The following BRAF variants were observed in gnomAD, a reference collection of about 807,000 sequenced individuals.
BRAF encodes serine/threonine-protein kinase B-raf.
In BRAF, 16 loss-of-function variants were observed where a neutral mutation model predicts 104.6. The ratio of observed to expected loss-of-function variants is 0.15; its 90% CI spans 0.10 to 0.23. BRAF has a LOEUF of 0.23. Among genes scored for constraint, BRAF ranks in the 10% least tolerant of loss-of-function variants. The pLI, the probability that BRAF is intolerant of heterozygous loss-of-function variation, is 1.00. For synonymous variants in BRAF, 310 were observed against 341.6 expected, an observed-to-expected ratio of 0.91 and a Z score of 1.02; for missense variants, 541 against 937.3, an observed-to-expected ratio of 0.58 and a Z score of 5.52.
At chr7:140,849,724 A>G (rs1188848679) in intron 2 of BRAF, among the ~76,000 whole-genome samples, 1 of 152,116 alleles carries the variant, frequency 6.6e-6, no homozygotes, top group Non-Finnish European at 1.5e-5. Context: ...AGGCAGGACA[A>G]TCGTCTGAAG....
intron 2 of BRAF, among the ~76,000 whole-genome samples, chr7:140,836,869 A>G (rs1042240907): frequency 6.6e-6 from 1 of 152,214 alleles, no homozygotes; most frequent in Non-Finnish European, 1.5e-5. Context: ...CATGGATAAA[A>G]TATTCTTATT....
Position 140,869,265 on chromosome 7 carries a change from G to T in BRAF, c.139-19053C>A, listed in dbSNP as rs554342471. Among the ~76,000 whole-genome samples, 25 of 152,186 alleles carry T rather than the reference G, an allele frequency of 1.6e-4. 1 individual carries two copies. In the East Asian group the frequency reaches 4.8e-3, roughly 29 times the overall value. ...ACATGTTCTTTTACATGTTCTAAGA[G>T]ACACCTTTCCCCCATCCCCTTCTTA... is the stretch of plus-strand genomic sequence containing the variant. On this transcript the variant is annotated intron_variant, in intron 1 of 19. Transcript: ENST00000644969.
intron 2 of BRAF, among the ~76,000 whole-genome samples, chr7:140,840,465 T>A (rs941951168): frequency 6.6e-6 from 1 of 151,942 alleles, no homozygotes; most frequent in Non-Finnish European, 1.5e-5. Flanking sequence ...GAGAAAATAT[T>A]TGCAAGTCAT....
chr7:140,916,737 T>C (rs1658450271), intron 1 of BRAF, among the ~76,000 whole-genome samples: 1 of 152,218 alleles, frequency 6.6e-6, no homozygotes, highest in Admixed American at 6.5e-5. Context: ...CAGAGATATA[T>C]TAACTATATA....
At chr7:140,783,247 A>C (rs564626867) in intron 10 of BRAF, 90 bp from the exon 10 acceptor site, 85 of 1,497,934 alleles carry the variant, frequency 5.7e-5, no homozygotes, top group Admixed American at 1.7e-4. Flanking sequence ...ATTTAGACTT[A>C]ATTTTAAAAT....
In BRAF at chr7:140,724,046, C is replaced by T; in HGVS notation, c.*2448G>A. 3 of 1,047,310 alleles carry T rather than the reference C, an allele frequency of 2.9e-6. No homozygotes were observed. Among genetic ancestry groups the T allele is most frequent in the Non-Finnish European group, 3.5e-6 (3 of 868,024 alleles). The allele number at this position is 1,047,310 out of a possible 1,614,324, so 64.9% of individuals were successfully genotyped here. The stretch of plus-strand genomic sequence containing the variant: ...TCTATAAAAATCTCAATATGCTAAG[C>T]CTGGCTCCTGGGCACAGCTTCATTT... On this transcript the variant is annotated 3_prime_UTR_variant, in exon 20 of 20. Transcript: ENST00000644969.
At chr7:140,915,049 CAAAAAAAAAAAA>C (rs567503566) in intron 1 of BRAF, among the ~76,000 whole-genome samples, 2 of 61,850 alleles carry the variant, frequency 3.2e-5, no homozygotes, top group African/African-American at 5.8e-5. Context: ...ACTCCGTCTC[CAAAAAAAAAAAA>C]AAAAAAAAAC....
At position 140,722,116 on chromosome 7, in the gene BRAF, A is replaced by G. The variant is rs911857317; in HGVS notation, c.*4378T>C. The G allele has an allele frequency of 2.0e-5, 21 of 1,072,366 alleles. No individual in the cohort carries two copies. Among genetic ancestry groups the G allele is most frequent in the African/African-American group, 3.3e-5 (2 of 61,348 alleles). The allele number at this position is 1,072,366 out of a possible 1,614,324, so 66.4% of individuals were successfully genotyped here. A position where few individuals can be genotyped will look rare whatever the true frequency, so the allele number is the denominator to read the frequency against. ...AAAAGTTCCATGCTTTGAAGAGCCT[A>G]TGGGAGTAGAAAAAGTTTCTCTAGA... is the stretch of plus-strand genomic sequence containing the variant. On this transcript the variant is annotated 3_prime_UTR_variant, in exon 20 of 20. Transcript: ENST00000644969.
At chr7:140,774,809 GC>G (rs1464987162) in intron 14 of BRAF, among the ~76,000 whole-genome samples, 2 of 152,170 alleles carry the variant, frequency 1.3e-5, no homozygotes, top group Non-Finnish European at 2.9e-5. Flanking sequence ...GAGCCAACAT[GC>G]CCAGCCACAT....
chr7:140,790,871 C>T lies in BRAF; in HGVS notation c.1141-3287G>A, dbSNP rs529219675. Among the ~76,000 whole-genome samples the T allele has an allele frequency of 2.6e-4, 40 of 152,300 alleles. No homozygotes were observed. The highest frequency in any genetic ancestry group is 1.5e-3 in the South Asian group (7 of 4,826). On this transcript the variant is annotated intron_variant, in intron 8 of 19. Transcript: ENST00000644969. ...CCTGTAATCCCAACACTCTGGGAGGCGGAGGTGGGCGGATCACTTGAGGTC... is the reference window on the plus strand; with the variant it reads ...CCTGTAATCCCAACACTCTGGGAGGTGGAGGTGGGCGGATCACTTGAGGTC...
At chr7:140,904,119 T>C (rs1322269972) in intron 1 of BRAF, among the ~76,000 whole-genome samples, 2 of 152,222 alleles carry the variant, frequency 1.3e-5, no homozygotes, top group African/African-American at 2.4e-5. Flanking sequence ...TTAAAAGCAG[T>C]TCTACTGTGG....
At chr7:140,923,102 G>T (rs900212343) in intron 1 of BRAF, among the ~76,000 whole-genome samples, 2 of 152,080 alleles carry the variant, frequency 1.3e-5, no homozygotes, top group Admixed American at 6.6e-5. Flanking sequence ...ATGTAACAAA[G>T]ATGATATAAA....
intron 14 of BRAF, among the ~76,000 whole-genome samples, chr7:140,760,496 A>C (rs1166910993): frequency 6.6e-6 from 1 of 152,128 alleles, no homozygotes; most frequent in Non-Finnish European, 1.5e-5. Flanking sequence ...CCAAGATAAA[A>C]AGGAAGGAGA....
chr7:140,905,300 C>T (rs189166200), intron 1 of BRAF, among the ~76,000 whole-genome samples: 1 of 152,268 alleles, frequency 6.6e-6, no homozygotes, highest in East Asian at 1.9e-4. Flanking sequence ...TTAACTTTTG[C>T]TATAAATATT....
chr7:140,778,313 T>C (rs1486127659), intron 12 of BRAF, among the ~76,000 whole-genome samples: 1 of 152,198 alleles, frequency 6.6e-6, no homozygotes, highest in East Asian at 1.9e-4. Context: ...GCCAACCTTG[T>C]TTGTTCCATG....
At chr7:140,741,914 G>C (rs1026152306) in intron 17 of BRAF, among the ~76,000 whole-genome samples, 2 of 151,604 alleles carry the variant, frequency 1.3e-5, no homozygotes, top group Non-Finnish European at 2.9e-5. Context: ...CCAAGATCAT[G>C]CCACACTATA....
intron 2 of BRAF, among the ~76,000 whole-genome samples, chr7:140,843,156 A>G (rs1173347291): frequency 2.0e-5 from 3 of 152,210 alleles, no homozygotes; most frequent in Non-Finnish European, 2.9e-5. Flanking sequence ...CATAGTCACT[A>G]GTATAGGGGT....
chr7:140,766,965 T>C (rs1324113968), intron 14 of BRAF, among the ~76,000 whole-genome samples: 2 of 152,152 alleles, frequency 1.3e-5, no homozygotes, highest in Non-Finnish European at 2.9e-5. Context: ...AGGGCTGGGA[T>C]TACAGGTGTG....
At position 140,722,839 on chromosome 7, in the gene BRAF, G is replaced by C; in HGVS notation, c.*3655C>G. On this transcript the variant is annotated 3_prime_UTR_variant, in exon 20 of 20. Transcript: ENST00000644969. Reference sequence around the variant, plus strand: ...TTTCATGCAATTGACTCAAGGTTAAGATTCTGAAACGTACCCCTAAACCGG... The same window carrying C: ...TTTCATGCAATTGACTCAAGGTTAACATTCTGAAACGTACCCCTAAACCGG... The C allele has an allele frequency of 2.8e-6, 3 of 1,053,388 alleles. No individual in the cohort carries two copies. The highest frequency in any genetic ancestry group is 3.4e-6 in the Non-Finnish European group (3 of 871,922). The allele number at this position is 1,053,388 out of a possible 1,614,324, so 65.3% of individuals were successfully genotyped here.
Sources: allele counts gnomAD v4.1 joint callset (sites outside exome capture counted in the v4.1 genomes callset), GRCh38; gene constraint gnomAD v4.1.1; transcripts MANE v1.5; gene names NCBI Gene and HGNC (gene_info 2026-07-23, HGNC 2026-07-21).